CCNY: variants seen among roughly 807,000 people sequenced by gnomAD.
The protein encoded by CCNY is cyclin Y.
Under a neutral mutation model 42.8 loss-of-function variants are expected in CCNY, and 19 were observed. The ratio of observed to expected loss-of-function variants is 0.44; its 90% CI spans 0.31 to 0.65. The LOEUF (loss-of-function observed/expected upper bound fraction) is 0.65. Among genes scored for constraint, CCNY ranks in the 30% least tolerant of loss-of-function variants. The pLI, the probability that CCNY is intolerant of heterozygous loss-of-function variation, is 0.07. For synonymous variants in CCNY, 165 were observed against 162.7 expected (o/e 1.01, Z -0.11); for missense variants, 370 against 437.3 (o/e 0.85, Z 1.37).
At chr10:35,326,005 G>A (rs959919674) in intron 3 of CCNY, among the ~76,000 whole-genome samples, 1 of 152,168 alleles carries the variant, frequency 6.6e-6, no homozygotes, top group Non-Finnish European at 1.5e-5. Flanking sequence ...GAGCCCAGGA[G>A]TTCAAGGCTG....
intron 1 of CCNY, among the ~76,000 whole-genome samples, chr10:35,362,772 C>G (rs1047556518): frequency 2.6e-5 from 4 of 151,992 alleles, no homozygotes; most frequent in Non-Finnish European, 5.9e-5. Context: ...TCATCACATC[C>G]CAGAGGGTGT....
intron 1 of CCNY, among the ~76,000 whole-genome samples, chr10:35,379,670 T>C (rs1299244319): frequency 6.6e-6 from 1 of 152,180 alleles, no homozygotes; most frequent in Non-Finnish European, 1.5e-5. Flanking sequence ...GTTGGCCTAT[T>C]GAGAACAAAG....
At chr10:35,518,691 T>G (rs1840479717) in intron 4 of CCNY, among the ~76,000 whole-genome samples, 1 of 141,588 alleles carries the variant, frequency 7.1e-6, no homozygotes, top group Admixed American at 6.9e-5. Flanking sequence ...TGAGGTATAC[T>G]GTGGGTATCT....
At chr10:35,355,397 C>T (rs1306601424) in intron 1 of CCNY, among the ~76,000 whole-genome samples, 1 of 152,048 alleles carries the variant, frequency 6.6e-6, no homozygotes, top group Non-Finnish European at 1.5e-5. Flanking sequence ...CAGGAACCTG[C>T]TGCGTGCGGT....
chr10:35,353,316 G>C (rs1836467932), intron 1 of CCNY, among the ~76,000 whole-genome samples: 1 of 152,184 alleles, frequency 6.6e-6, no homozygotes, highest in Non-Finnish European at 1.5e-5. Flanking sequence ...TGCTCATTAA[G>C]AGGACGTTTG....
At chr10:35,344,170 T>C (rs1836248231) in intron 1 of CCNY, among the ~76,000 whole-genome samples, 1 of 152,230 alleles carries the variant, frequency 6.6e-6, no homozygotes, top group South Asian at 2.1e-4. Context: ...TTCTAGCCTG[T>C]CTTTCCTGAA....
chr10:35,438,778 A>G (rs1310369673), intron 1 of CCNY, among the ~76,000 whole-genome samples: 1 of 152,152 alleles, frequency 6.6e-6, no homozygotes, highest in African/African-American at 2.4e-5. Context: ...TTTCTTCCTG[A>G]TGTTCCAAGG....
chr10:35,536,994 C>G (rs943430834), intron 7 of CCNY, among the ~76,000 whole-genome samples: 1 of 152,212 alleles, frequency 6.6e-6, no homozygotes, highest in South Asian at 2.1e-4. Flanking sequence ...AGGGCAACCC[C>G]TCCCATCACA....
At chr10:35,325,049 A>G (rs1589036469) in intron 3 of CCNY, among the ~76,000 whole-genome samples, 1 of 152,260 alleles carries the variant, frequency 6.6e-6, no homozygotes, top group Admixed American at 6.5e-5. Context: ...CTGTATAAAC[A>G]ACATAAATTA....
chr10:35,312,768 T>TTA (rs1554775493), intron 3 of CCNY, among the ~76,000 whole-genome samples: 11 of 147,624 alleles, frequency 7.5e-5, no homozygotes, highest in Admixed American at 1.3e-4. Flanking sequence ...TTTTTTTTTT[T>TTA]AGAGTTGGGG....
intron 2 of CCNY, among the ~76,000 whole-genome samples, chr10:35,488,247 T>C (rs1282381454): frequency 6.6e-6 from 1 of 152,240 alleles, no homozygotes; most frequent in Non-Finnish European, 1.5e-5. Context: ...CACAACCTTT[T>C]AGAAATACTG....
intron 8 of CCNY, among the ~76,000 whole-genome samples, chr10:35,554,924 C>G (rs1841333079): frequency 1.3e-5 from 2 of 152,178 alleles, no homozygotes; most frequent in Non-Finnish European, 1.5e-5. Flanking sequence ...CTTTTGTACT[C>G]TTATCCTTAA....
At chr10:35,416,916 A>C in intron 1 of CCNY, among the ~76,000 whole-genome samples, 1 of 152,128 alleles carries the variant, frequency 6.6e-6, no homozygotes, top group East Asian at 1.9e-4. Context: ...TGAGTGTAGC[A>C]GGAAAGAAAC....
chr10:35,391,436 G>A (rs567070500), intron 1 of CCNY, among the ~76,000 whole-genome samples: 2 of 152,166 alleles, frequency 1.3e-5, no homozygotes, highest in East Asian at 1.9e-4. Flanking sequence ...ACCGGAATGA[G>A]TCAGGACAGA....
chr10:35,475,514 C>G (rs1376468357), intron 1 of CCNY, among the ~76,000 whole-genome samples: 1 of 151,716 alleles, frequency 6.6e-6, no homozygotes. Flanking sequence ...ATTTTCAACC[C>G]AGAATTTCAT....
chr10:35,285,289 G>A (rs1835340532), intron 3 of CCNY, among the ~76,000 whole-genome samples: 1 of 152,086 alleles, frequency 6.6e-6, no homozygotes, highest in Non-Finnish European at 1.5e-5. Context: ...GCCCACCTCG[G>A]CCTCCCAAAG....
At chr10:35,285,959 C>T (rs1390782455) in intron 3 of CCNY, among the ~76,000 whole-genome samples, 6 of 152,018 alleles carry the variant, frequency 3.9e-5, no homozygotes, top group East Asian at 3.9e-4. Context: ...ATTACAGGCA[C>T]GTGGCACCAT....
At chr10:35,471,746 G>A (rs925861478) in intron 1 of CCNY, among the ~76,000 whole-genome samples, 2 of 152,206 alleles carry the variant, frequency 1.3e-5, no homozygotes, top group Non-Finnish European at 2.9e-5. Context: ...TAATTCAGCT[G>A]TGTGTCTTAA....
intron 4 of CCNY, among the ~76,000 whole-genome samples, chr10:35,523,512 C>T (rs1273644833): frequency 6.6e-6 from 1 of 152,166 alleles, no homozygotes; most frequent in African/African-American, 2.4e-5. Flanking sequence ...CCTGAACCCT[C>T]ATCCTGGTGG....
Sources: allele counts gnomAD v4.1 joint callset (sites outside exome capture counted in the v4.1 genomes callset), GRCh38; gene constraint gnomAD v4.1.1; transcripts MANE v1.5; gene names NCBI Gene and HGNC (gene_info 2026-07-23, HGNC 2026-07-21).